ZNF26: variants seen among roughly 807,000 people sequenced by gnomAD.
The protein encoded by ZNF26 is epididymis luminal protein 179.
ZNF26 carries 32 observed loss-of-function variants against 54.9 expected under a neutral mutation model. The observed-to-expected ratio is 0.58, with a 90% confidence interval of 0.44 to 0.78. The LOEUF (loss-of-function observed/expected upper bound fraction) is 0.78. ZNF26 is among the 30% of genes least tolerant of loss of function. The pLI is 0.00. For missense variants in ZNF26, 524 were observed against 634.0 expected (o/e 0.83, Z 1.86); for synonymous variants, 221 against 209.2 (o/e 1.06, Z -0.49).
chr12:133,008,052 C>T (rs1246716293), intron 3 of ZNF26, among the ~76,000 whole-genome samples: 5 of 152,064 alleles, frequency 3.3e-5, no homozygotes, highest in Non-Finnish European at 5.9e-5. Flanking sequence ...TTTGGCTCTC[C>T]TCTCCGAATG....
At chr12:133,003,798 C>T (rs1470339775) in intron 1 of ZNF26, among the ~76,000 whole-genome samples, 8 of 151,992 alleles carry the variant, frequency 5.3e-5, no homozygotes, top group Admixed American at 3.9e-4. Flanking sequence ...GAATAATGCC[C>T]GAGTATTGAT....
At chr12:132,992,702 G>T (rs1231427296) in intron 1 of ZNF26, among the ~76,000 whole-genome samples, 1 of 152,176 alleles carries the variant, frequency 6.6e-6, no homozygotes, top group African/African-American at 2.4e-5. Context: ...GTTGGGGAAC[G>T]TACTGAAGTG....
chr12:133,002,831 C>T lies in ZNF26; in HGVS notation c.34-4211C>T, dbSNP rs763025191. ...TAGAGACAGAGTCTCACCATATTGG[C>T]CAGGCTGGTCTCGAACTCCTGACCT... On this transcript the variant is annotated intron_variant, in intron 1 of 3. Transcript: ENST00000328654. 4.8e-3 allele frequency among the ~76,000 whole-genome samples: 736 copies of T among 151,960 alleles called. 6 individuals carry two copies. The highest frequency in any genetic ancestry group is 0.016 in the African/African-American group (667 of 41,442).
chr12:132,986,657 C>G lies in ZNF26; in HGVS notation c.-184C>G, dbSNP rs916900086. The G allele has an allele frequency of 8.1e-6, 5 of 616,850 alleles. No individual in the cohort carries two copies. Among genetic ancestry groups the G allele is most frequent in the African/African-American group, 1.9e-5 (1 of 54,044 alleles). The allele number at this position is 616,850 out of a possible 1,614,324, so 38.2% of individuals were successfully genotyped here. A position where few individuals can be genotyped will look rare whatever the true frequency, so the allele number is the denominator to read the frequency against. On this transcript the variant is annotated 5_prime_UTR_variant, in exon 1 of 4. Coordinates refer to ENST00000328654, the MANE Select transcript of ZNF26 (RefSeq NM_019591.4). ...TACCCAGACCGGGAGGTTGTCTAGT[C>G]ACGCGCGGTCTGTGTTGGGCGAGAG... is the stretch of plus-strand genomic sequence containing the variant.
chr12:133,023,071 G>C lies in ZNF26; in HGVS notation c.*11590G>C, dbSNP rs1953662847. 1.3e-5 allele frequency: 2 copies of C among 152,202 alleles called. No individual in the cohort carries two copies. Among genetic ancestry groups the C allele is most frequent in the South Asian group, 2.1e-4 (1 of 4,834 alleles). The allele number at this position is 152,202 out of a possible 1,614,324, so 9.4% of individuals were successfully genotyped here. A position where few individuals can be genotyped will look rare whatever the true frequency, so the allele number is the denominator to read the frequency against. On this transcript the variant is annotated 3_prime_UTR_variant, in exon 4 of 4. Transcript: ENST00000328654. ...GGGTGAAAGATTCAAGAGCATTCGT[G>C]AGAATGTACTTGTAACTAGTATTTG...
chr12:132,999,542 ACCGCACCCAG>A (rs1391939289), intron 1 of ZNF26, among the ~76,000 whole-genome samples: 3 of 152,172 alleles, frequency 2.0e-5, no homozygotes, highest in African/African-American at 7.2e-5. Flanking sequence ...GGCGTGAGCC[ACCGCACCCAG>A]CCGCCATGTG....
At chr12:133,005,940 A>C (rs990724824) in intron 1 of ZNF26, 3 of 239,250 alleles carry the variant, frequency 1.3e-5, no homozygotes, top group Non-Finnish European at 2.0e-5. Flanking sequence ...GGTGTCTGAA[A>C]TATTTGTTGT....
intron 1 of ZNF26, among the ~76,000 whole-genome samples, chr12:132,997,356 CAG>C (rs1593645707): frequency 6.6e-6 from 1 of 151,854 alleles, no homozygotes; most frequent in Non-Finnish European, 1.5e-5. Flanking sequence ...GAGTCCAGAA[CAG>C]GGGTTAATCA....
intron 1 of ZNF26, among the ~76,000 whole-genome samples, chr12:132,999,558 A>G (rs1363626982): frequency 6.6e-6 from 1 of 151,546 alleles, no homozygotes; most frequent in African/African-American, 2.4e-5. Context: ...CCCAGCCGCC[A>G]TGTGTTTTTA....
intron 3 of ZNF26, among the ~76,000 whole-genome samples, chr12:133,009,402 G>T (rs1953418480): frequency 6.6e-6 from 1 of 152,058 alleles, no homozygotes; most frequent in African/African-American, 2.4e-5. Flanking sequence ...AGACCAGCCT[G>T]GCCAACAAGT....
At chr12:133,006,902 AT>A (rs1467622028) in intron 1 of ZNF26, 139 bp from the exon 2 acceptor site, 52 of 1,148,304 alleles carry the variant, frequency 4.5e-5, no homozygotes, top group Non-Finnish European at 6.2e-5. Context: ...TTGATTTTTA[AT>A]TCTCTCACAA....
chr12:132,986,644 G>C lies in ZNF26; in HGVS notation c.-197G>C, dbSNP rs1422800091. On this transcript the variant is annotated 5_prime_UTR_variant, in exon 1 of 4. Coordinates refer to ENST00000328654, the MANE Select transcript of ZNF26 (RefSeq NM_019591.4). ...GTGCGACTCCTGGTACCCAGACCGG[G>C]AGGTTGTCTAGTCACGCGCGGTCTG... 5.0e-6 allele frequency: 3 copies of C among 601,850 alleles called. No homozygotes were observed. The highest frequency in any genetic ancestry group is 8.9e-6 in the Non-Finnish European group (3 of 338,258). The allele number at this position is 601,850 out of a possible 1,614,324, so 37.3% of individuals were successfully genotyped here.
At position 133,018,971 on chromosome 12, in the gene ZNF26, C is replaced by T. The variant is rs1953602726; in HGVS notation, c.*7490C>T. On this transcript the variant is annotated 3_prime_UTR_variant, in exon 4 of 4. Coordinates refer to ENST00000328654, the MANE Select transcript of ZNF26 (RefSeq NM_019591.4). ...AAGTGGTGATAAAAAAAAATCCAACCATGTACAGAAGACATACATACATAC... is the reference window on the plus strand; with the variant it reads ...AAGTGGTGATAAAAAAAAATCCAACTATGTACAGAAGACATACATACATAC... 2 of 152,028 alleles carry T rather than the reference C, an allele frequency of 1.3e-5. No individual in the cohort carries two copies. Among genetic ancestry groups the T allele is most frequent in the Non-Finnish European group, 1.5e-5 (1 of 67,976 alleles). The allele number at this position is 152,028 out of a possible 1,614,324, so 9.4% of individuals were successfully genotyped here. A position where few individuals can be genotyped will look rare whatever the true frequency, so the allele number is the denominator to read the frequency against.
chr12:132,998,180 T>G (rs1488658952), intron 1 of ZNF26, among the ~76,000 whole-genome samples: 1 of 151,894 alleles, frequency 6.6e-6, no homozygotes, highest in African/African-American at 2.4e-5. Context: ...TTCTTTTTTC[T>G]TTTTGAGACG....
intron 1 of ZNF26, among the ~76,000 whole-genome samples, chr12:132,997,482 G>A (rs966617401): frequency 3.3e-4 from 50 of 152,266 alleles, no homozygotes; most frequent in African/African-American, 1.2e-3. Flanking sequence ...TTAATCAGAA[G>A]CCCACATGGT....
rs1293842692 is a variant in ZNF26 at position 133,020,947 on chromosome 12, G to C, written c.*9466G>C. On this transcript the variant is annotated 3_prime_UTR_variant, in exon 4 of 4. Transcript: ENST00000328654. Reference sequence around the variant, plus strand: ...ACTCCTAAGTCCTCATTTTAACATTGTTAACTCTGTACAGACCCTCTCTCC... The same window carrying C: ...ACTCCTAAGTCCTCATTTTAACATTCTTAACTCTGTACAGACCCTCTCTCC... 6.6e-6 allele frequency: 1 copy of C among 151,932 alleles called. No homozygotes were observed. Among genetic ancestry groups the C allele is most frequent in the Non-Finnish European group, 1.5e-5 (1 of 68,002 alleles). The allele number at this position is 151,932 out of a possible 1,614,324, so 9.4% of individuals were successfully genotyped here.
At position 133,011,576 on chromosome 12, in the gene ZNF26, A is replaced by G; in HGVS notation, c.*95A>G. On this transcript the variant is annotated 3_prime_UTR_variant, in exon 4 of 4. Transcript: ENST00000328654. ...AGCAGGAGGCCCTAAAATTACACTC[A>G]TGTCAAAAATCAGAGAGGAGAGAGA... 3 of 1,312,122 alleles carry G rather than the reference A, an allele frequency of 2.3e-6. No individual in the cohort carries two copies. Among genetic ancestry groups the G allele is most frequent in the Non-Finnish European group, 3.0e-6 (3 of 988,120 alleles). 81.3% of individuals were successfully genotyped at this position (1,312,122 alleles called of 1,614,324 possible).
intron 1 of ZNF26, chr12:132,995,393 T>G (rs1382839662): frequency 7.2e-6 from 1 of 139,274 alleles, no homozygotes; most frequent in Non-Finnish European, 1.6e-5. Context: ...TGTCTCCTTG[T>G]TTTTTTTTTT....
chr12:133,026,099 A>G lies in ZNF26; in HGVS notation c.*14618A>G, dbSNP rs1344394915. On this transcript the variant is annotated 3_prime_UTR_variant, in exon 4 of 4. Transcript: ENST00000328654. ...CTGACCCAGGAAACTATTAGATATA[A>G]TAAGTCACTTTTTTTTTTTTTTGAG... 2.0e-5 allele frequency: 3 copies of G among 151,882 alleles called. No homozygotes were observed. Among genetic ancestry groups the G allele is most frequent in the African/African-American group, 4.8e-5 (2 of 41,310 alleles). 9.4% of individuals were successfully genotyped at this position (151,882 alleles called of 1,614,324 possible).
Sources: gnomAD v4.1 joint callset for allele counts (sites outside exome capture counted in the v4.1 genomes callset) on GRCh38, gnomAD v4.1.1 for gene constraint, MANE v1.5 for transcripts, NCBI Gene and HGNC (gene_info 2026-07-23, HGNC 2026-07-21) for gene names.